Variants in GABRA3 observed in about 807,000 individuals in gnomAD.
GABRA3 encodes gamma-aminobutyric acid receptor subunit alpha-3.
A neutral mutation model predicts 30.1 loss-of-function variants in GABRA3; 10 were observed. That is an observed-to-expected ratio of 0.33 (90% CI 0.20 to 0.56). The LOEUF (loss-of-function observed/expected upper bound fraction) is 0.56, where lower values mean the gene tolerates loss of function less well. GABRA3 is among the 20% of genes least tolerant of loss of function. The pLI, the probability that GABRA3 is intolerant of heterozygous loss-of-function variation, is 0.89. For missense variants in GABRA3, 233 were observed against 392.0 expected (o/e 0.59, Z 3.42); for synonymous variants, 151 against 146.8 (o/e 1.03, Z -0.21).
intron 3 of GABRA3, among the ~76,000 whole-genome samples, chrX:152,317,464 T>C (rs918089674): frequency 9.0e-6 from 1 of 111,424 alleles, no homozygotes; most frequent in Non-Finnish European, 1.9e-5. Context: ...CAAGAAAAAA[T>C]GGACTTAACA....
intron 1 of GABRA3, among the ~76,000 whole-genome samples, chrX:152,381,842 T>C (rs979045896): frequency 3.6e-5 from 4 of 111,369 alleles, no homozygotes; most frequent in Non-Finnish European, 7.5e-5. Flanking sequence ...AGAATGATGG[T>C]TTCCAGCATC....
At chrX:152,258,975 G>A (rs1938684621) in intron 4 of GABRA3, among the ~76,000 whole-genome samples, 1 of 111,660 alleles carries the variant, frequency 9.0e-6, no homozygotes, top group African/African-American at 3.3e-5. Flanking sequence ...TTACAGAAGA[G>A]GTAGGAAAAA....
intron 1 of GABRA3, among the ~76,000 whole-genome samples, chrX:152,429,173 A>G (rs1930588626): frequency 9.0e-6 from 1 of 111,432 alleles, no homozygotes; most frequent in Non-Finnish European, 1.9e-5. Context: ...AAGGAAATGC[A>G]GGGAAAAGTA....
At chrX:152,420,467 A>AT (rs1004038327) in intron 1 of GABRA3, among the ~76,000 whole-genome samples, 3 of 111,299 alleles carry the variant, frequency 2.7e-5, no homozygotes, top group Admixed American at 9.6e-5. Context: ...TTAGAAAGTG[A>AT]TTTTTTTTAC....
intron 4 of GABRA3, among the ~76,000 whole-genome samples, chrX:152,277,827 CTGTCTTGTT>C (rs1333798487): frequency 8.9e-6 from 1 of 111,998 alleles, no homozygotes; most frequent in African/African-American, 3.2e-5. Context: ...GGAAGCATTT[CTGTCTTGTT>C]AGAGCTTGAA....
intron 3 of GABRA3, among the ~76,000 whole-genome samples, chrX:152,326,633 C>A (rs1217330178): frequency 2.7e-5 from 3 of 111,166 alleles, no homozygotes; most frequent in Non-Finnish European, 3.8e-5. Context: ...GAAATAAAAT[C>A]CTTTACAGAC....
chrX:152,341,252 T>A (rs926861261), intron 3 of GABRA3, among the ~76,000 whole-genome samples: 1 of 111,734 alleles, frequency 8.9e-6, no homozygotes, highest in Non-Finnish European at 1.9e-5. Context: ...TGTGTATGTA[T>A]CACATTTTCT....
chrX:152,417,068 T>C (rs1353362102), intron 1 of GABRA3, among the ~76,000 whole-genome samples: 3 of 102,789 alleles, frequency 2.9e-5, no homozygotes, highest in African/African-American at 7.3e-5. Flanking sequence ...CAAAAGAAAC[T>C]ACCATCAGAG....
At chrX:152,216,940 CTTAT>C (rs1233977519) in intron 6 of GABRA3, among the ~76,000 whole-genome samples, 22 of 110,656 alleles carry the variant, frequency 2.0e-4, no homozygotes, top group African/African-American at 7.2e-4. Context: ...AGTATACACA[CTTAT>C]TTGTCAATTA....
In GABRA3 at chrX:152,285,993, G is replaced by T. The variant is rs765103908; in HGVS notation, c.263-1258C>A. Among the ~76,000 whole-genome samples the T allele has an allele frequency of 1.1e-4, 12 of 105,119 alleles. No individual in the cohort carries two copies. The East Asian group carries it at 3.6e-3, about 31-fold the overall frequency. The allele number at this position is 105,119 out of a possible 115,157, so 91.3% of individuals were successfully genotyped here. On this transcript the variant is annotated intron_variant, in intron 3 of 9. Transcript: ENST00000370314. Reference sequence around the variant, plus strand: ...CTATAAATTTCAGCATACAGATTGTGGGGAGACAAAAACATCCAGAACAGC... The same window carrying T: ...CTATAAATTTCAGCATACAGATTGTTGGGAGACAAAAACATCCAGAACAGC...
intron 4 of GABRA3, among the ~76,000 whole-genome samples, chrX:152,272,503 G>A (rs188165617): frequency 2.7e-5 from 3 of 112,260 alleles, no homozygotes; most frequent in African/African-American, 6.5e-5. Context: ...TTACAGGCTC[G>A]TAGGTGGAAA....
At chrX:152,326,428 GA>G (rs749256079) in intron 3 of GABRA3, among the ~76,000 whole-genome samples, 3 of 111,159 alleles carry the variant, frequency 2.7e-5, no homozygotes, top group Admixed American at 9.6e-5. Context: ...TGAAATGAAG[GA>G]AAAAATGTTA....
At chrX:152,300,077 C>G (rs149880895) in intron 3 of GABRA3, among the ~76,000 whole-genome samples, 42 of 112,479 alleles carry the variant, frequency 3.7e-4, no homozygotes, top group African/African-American at 1.3e-3. Flanking sequence ...CACTCTTGAG[C>G]TGCACATGCA....
chrX:152,272,914 A>C (rs955998885), intron 4 of GABRA3, among the ~76,000 whole-genome samples: 5 of 110,922 alleles, frequency 4.5e-5, no homozygotes, highest in Admixed American at 3.9e-4. Context: ...GCTTTGATTT[A>C]AGTTTCCTGA....
At chrX:152,193,432 C>G (rs1435593607) in intron 8 of GABRA3, among the ~76,000 whole-genome samples, 4 of 111,499 alleles carry the variant, frequency 3.6e-5, no homozygotes. Context: ...ATTCATTCAC[C>G]CAGTAATGGG....
chrX:152,332,110 C>T, intron 3 of GABRA3, among the ~76,000 whole-genome samples: 1 of 111,752 alleles, frequency 8.9e-6, no homozygotes. Context: ...CTGTAGTTAT[C>T]TCCTGAATGT....
chrX:152,303,591 A>G (rs2124454737), intron 3 of GABRA3, among the ~76,000 whole-genome samples: 1 of 112,311 alleles, frequency 8.9e-6, no homozygotes, highest in East Asian at 2.8e-4. Context: ...GACTGGATAA[A>G]GAAAATGTGG....
At chrX:152,215,343 A>G (rs1260764612) in intron 6 of GABRA3, among the ~76,000 whole-genome samples, 1 of 110,172 alleles carries the variant, frequency 9.1e-6, no homozygotes. Flanking sequence ...CTTTTTCTAT[A>G]CCTAATTAGT....
chrX:152,414,151 T>C (rs1300812776), intron 1 of GABRA3, among the ~76,000 whole-genome samples: 1 of 111,603 alleles, frequency 9.0e-6, no homozygotes, highest in African/African-American at 3.2e-5. Context: ...AATGGAATTT[T>C]ATGTACATAC....
Sources: allele counts gnomAD v4.1 joint callset (sites outside exome capture counted in the v4.1 genomes callset), GRCh38; gene constraint gnomAD v4.1.1; transcripts MANE v1.5; gene names NCBI Gene and HGNC (gene_info 2026-07-23, HGNC 2026-07-21).